Variants in FAM110B observed in about 807,000 individuals in gnomAD.
The protein encoded by FAM110B is family with sequence similarity 110 member B, also known as protein FAM110B.
FAM110B carries 6 observed loss-of-function variants against 20.4 expected under a neutral mutation model. The ratio of observed to expected loss-of-function variants is 0.29; its 90% CI spans 0.16 to 0.58. The LOEUF (loss-of-function observed/expected upper bound fraction) is 0.58, where lower values mean the gene tolerates loss of function less well. Ranked by LOEUF, FAM110B falls within the 20% of genes least tolerant of loss-of-function variation. FAM110B has a pLI of 0.90. For synonymous variants in FAM110B, 226 were observed against 214.1 expected, an observed-to-expected ratio of 1.06 and a Z score of -0.49; for missense variants, 434 against 498.2, an observed-to-expected ratio of 0.87 and a Z score of 1.23.
chr8:58,122,166 G>A (rs1386579123), intron 3 of FAM110B, among the ~76,000 whole-genome samples: 1 of 151,988 alleles, frequency 6.6e-6, no homozygotes, highest in Non-Finnish European at 1.5e-5. Context: ...CCTCAATTTT[G>A]AAGACATTAA....
intron 1 of FAM110B, among the ~76,000 whole-genome samples, chr8:58,006,750 G>A (rs1282718146): frequency 2.6e-5 from 4 of 151,234 alleles, no homozygotes; most frequent in South Asian, 2.1e-4. Context: ...TTACAAGCAC[G>A]TGCCACCGCA....
chr8:58,089,582 G>A (rs1213945253), intron 3 of FAM110B, among the ~76,000 whole-genome samples: 1 of 152,104 alleles, frequency 6.6e-6, no homozygotes, highest in Non-Finnish European at 1.5e-5. Flanking sequence ...ATCAAAATTA[G>A]CATCAAAATA....
intron 3 of FAM110B, among the ~76,000 whole-genome samples, chr8:58,105,805 T>C (rs1216479263): frequency 6.6e-6 from 1 of 151,834 alleles, no homozygotes; most frequent in East Asian, 1.9e-4. Flanking sequence ...CTCCTGACCT[T>C]GTGATCCGCC....
intron 2 of FAM110B, among the ~76,000 whole-genome samples, chr8:58,050,476 G>A (rs931340921): frequency 5.9e-5 from 9 of 152,150 alleles, no homozygotes; most frequent in Non-Finnish European, 1.2e-4. Context: ...AGGCCATGGG[G>A]AGGAATCTGC....
intron 2 of FAM110B, among the ~76,000 whole-genome samples, chr8:58,040,766 T>A (rs955315683): frequency 1.4e-4 from 21 of 152,114 alleles, no homozygotes; most frequent in East Asian, 5.8e-4. Context: ...TCAGCTTTTT[T>A]AAAAAAAATC....
intron 3 of FAM110B, among the ~76,000 whole-genome samples, chr8:58,097,457 A>G (rs1806661618): frequency 6.6e-6 from 1 of 152,024 alleles, no homozygotes. Flanking sequence ...CCTTTTTTCA[A>G]GGTTCTTAGC....
chr8:58,059,192 A>C (rs1805607515), intron 2 of FAM110B, among the ~76,000 whole-genome samples: 3 of 152,166 alleles, frequency 2.0e-5, no homozygotes, highest in African/African-American at 7.2e-5. Flanking sequence ...TCTTCTGTGA[A>C]TGGATATTTG....
At chr8:58,080,266 A>G (rs1234151286) in intron 3 of FAM110B, among the ~76,000 whole-genome samples, 1 of 152,216 alleles carries the variant, frequency 6.6e-6, no homozygotes, top group Non-Finnish European at 1.5e-5. Flanking sequence ...AAGTCGGACA[A>G]TGGGGAAAGT....
chr8:58,043,582 G>A (rs1483480624), intron 2 of FAM110B, among the ~76,000 whole-genome samples: 5 of 151,920 alleles, frequency 3.3e-5, no homozygotes, highest in East Asian at 3.9e-4. Flanking sequence ...CCATTAAGTC[G>A]TCATTTACAT....
intron 1 of FAM110B, among the ~76,000 whole-genome samples, chr8:58,026,112 G>A (rs59775976): frequency 0.025 from 3,867 of 152,274 alleles, 162 homozygotes; most frequent in African/African-American, 0.088. Flanking sequence ...CTGCTACATG[G>A]GTTGACCCAT....
chr8:58,090,091 A>T (rs982676429), intron 3 of FAM110B, among the ~76,000 whole-genome samples: 1 of 152,208 alleles, frequency 6.6e-6, no homozygotes, highest in Non-Finnish European at 1.5e-5. Flanking sequence ...TCAGAGTAAG[A>T]TGATGAGAAT....
At chr8:58,111,096 A>G (rs1179288473) in intron 3 of FAM110B, among the ~76,000 whole-genome samples, 1 of 152,202 alleles carries the variant, frequency 6.6e-6, no homozygotes, top group Non-Finnish European at 1.5e-5. Context: ...GAATAATATG[A>G]ATGAATTAAT....
At chr8:58,083,547 C>T (rs1473279396) in intron 3 of FAM110B, among the ~76,000 whole-genome samples, 2 of 152,126 alleles carry the variant, frequency 1.3e-5, no homozygotes, top group Non-Finnish European at 2.9e-5. Context: ...ATTCAATATT[C>T]AGAGATTCAA....
intron 3 of FAM110B, among the ~76,000 whole-genome samples, chr8:58,117,457 G>A (rs1807242657): frequency 6.6e-6 from 1 of 152,206 alleles, no homozygotes; most frequent in East Asian, 1.9e-4. Context: ...TAACCTCTCA[G>A]CACCTCAATT....
intron 3 of FAM110B, among the ~76,000 whole-genome samples, chr8:58,141,349 C>T (rs146511710): frequency 2.0e-5 from 3 of 152,190 alleles, no homozygotes; most frequent in Non-Finnish European, 4.4e-5. Context: ...CTTTTATTTG[C>T]TCCCAAGAAT....
chr8:58,146,656 C>A lies in FAM110B; in HGVS notation c.426C>A (p.Arg142=). ...GCTCGGGGCACAAGCACAGCTCCCG[C>A]AACTGGCCGCCCCACCGGTCGGAAG... is the stretch of plus-strand genomic sequence containing the variant. ...SSGSGHKHSS[R]NWPPHRSEAT... is the part of the protein sequence containing the mutation. The change falls in exon 4 of 4, where the codon CGC becomes CGA. Residue 142 remains arginine (R), a synonymous_variant. Transcript: ENST00000519262. The A allele has an allele frequency of 6.2e-7, 1 of 1,612,972 alleles. No individual in the cohort carries two copies.
At chr8:58,098,891 G>C (rs1166970937) in intron 3 of FAM110B, 1 of 152,258 alleles carries the variant, frequency 6.6e-6, no homozygotes, top group African/African-American at 2.4e-5. Context: ...AGATGAGCTA[G>C]GTACCTCAGT....
chr8:58,020,627 G>C (rs1436536760), intron 1 of FAM110B, among the ~76,000 whole-genome samples: 1 of 152,216 alleles, frequency 6.6e-6, no homozygotes, highest in Non-Finnish European at 1.5e-5. Flanking sequence ...TTGATTTCCT[G>C]TTGGATTAAA....
intron 3 of FAM110B, among the ~76,000 whole-genome samples, chr8:58,145,469 C>G (rs1232996445): frequency 6.6e-6 from 1 of 152,110 alleles, no homozygotes; most frequent in Non-Finnish European, 1.5e-5. Context: ...AGAGATAATT[C>G]ACGACGTTGC....
Sources: gnomAD v4.1 joint callset for allele counts (sites outside exome capture counted in the v4.1 genomes callset) on GRCh38, gnomAD v4.1.1 for gene constraint, MANE v1.5 for transcripts, NCBI Gene and HGNC (gene_info 2026-07-23, HGNC 2026-07-21) for gene names.